ABHD12: variants seen among roughly 807,000 people sequenced by gnomAD.
ABHD12 encodes the protein lysophosphatidylserine lipase ABHD12.
Under a neutral mutation model 58.3 loss-of-function variants are expected in ABHD12, and 43 were observed. The observed-to-expected ratio is 0.74, with a 90% CI of 0.58 to 0.95. The LOEUF is 0.95. Ranked by LOEUF, ABHD12 falls within the 40% of genes least tolerant of loss-of-function variation. ABHD12 has a pLI of 0.00. For synonymous variants in ABHD12, 219 were observed against 211.2 expected (o/e 1.04, Z -0.32); for missense variants, 539 against 537.2 (o/e 1.00, Z -0.03).
chr20:25,376,578 G>A (rs1321507610), intron 1 of ABHD12, among the ~76,000 whole-genome samples: 5 of 152,144 alleles, frequency 3.3e-5, no homozygotes, highest in Non-Finnish European at 5.9e-5. Context: ...CATGTTTTCA[G>A]GTGCTTTACA....
chr20:25,383,104 A>G (rs1054387410), intron 1 of ABHD12, among the ~76,000 whole-genome samples: 1 of 152,174 alleles, frequency 6.6e-6, no homozygotes, highest in Non-Finnish European at 1.5e-5. Context: ...CCTAATCTGT[A>G]AAGAAAAGAT....
At chr20:25,316,945 C>T in intron 5 of ABHD12, 103 bp downstream of exon 5, 1 of 1,077,644 alleles carries the variant, frequency 9.3e-7, no homozygotes, top group Non-Finnish European at 1.4e-6. Context: ...CACAAACAGC[C>T]CAGCAATAGT....
chr20:25,338,990 A>G, intron 2 of ABHD12: 1 of 1,284,724 alleles, frequency 7.8e-7, no homozygotes. Context: ...TCCAGCTGGG[A>G]AGGGGCACAG....
intron 5 of ABHD12, among the ~76,000 whole-genome samples, chr20:25,316,508 C>T (rs1436722943): frequency 6.6e-6 from 1 of 152,212 alleles, no homozygotes; most frequent in African/African-American, 2.4e-5. Flanking sequence ...AAACAATTTC[C>T]AGTGCTGCTT....
chr20:25,338,761 G>T lies in ABHD12; in HGVS notation c.316+466C>A, dbSNP rs1010463581. 7.9e-5 allele frequency: 78 copies of T among 991,406 alleles called. No individual in the cohort carries two copies. The African/African-American group carries it at 9.6e-4, about 12-fold the overall frequency. The allele number at this position is 991,406 out of a possible 1,614,324, so 61.4% of individuals were successfully genotyped here. A position where few individuals can be genotyped will look rare whatever the true frequency, so the allele number is the denominator to read the frequency against. ...AAAAAGGCCTCATTTTTTTTTAAAG[G>T]TACTATATTTTTCAGTGGTCATCTT... On this transcript the variant is annotated intron_variant, in intron 2 of 12. Coordinates refer to ENST00000339157, the MANE Select transcript of ABHD12 (RefSeq NM_001042472.3).
intron 1 of ABHD12, among the ~76,000 whole-genome samples, chr20:25,388,593 C>T (rs1368812653): frequency 6.6e-6 from 1 of 152,124 alleles, no homozygotes; most frequent in African/African-American, 2.4e-5. Flanking sequence ...ATTTGGTCTT[C>T]TTTCCCTTTG....
intron 1 of ABHD12, among the ~76,000 whole-genome samples, chr20:25,362,507 A>G (rs1362210666): frequency 7.1e-6 from 1 of 141,792 alleles, no homozygotes; most frequent in African/African-American, 2.6e-5. Flanking sequence ...TGGAGGTTGC[A>G]GTGAGCTGAG....
chr20:25,376,829 A>G (rs754494945), intron 1 of ABHD12, among the ~76,000 whole-genome samples: 7 of 152,240 alleles, frequency 4.6e-5, no homozygotes, highest in Non-Finnish European at 1.0e-4. Flanking sequence ...ACACAGGAGC[A>G]ATACTCTCAA....
At chr20:25,387,353 G>A (rs1019524154) in intron 1 of ABHD12, among the ~76,000 whole-genome samples, 1 of 151,828 alleles carries the variant, frequency 6.6e-6, no homozygotes, top group Admixed American at 6.6e-5. Flanking sequence ...TTGAAGTCAC[G>A]AGTTGGAGAC....
chr20:25,322,381 A>ATATATATATATATATATTTTTTTTTTTT, intron 3 of ABHD12, among the ~76,000 whole-genome samples: 1 of 59,268 alleles, frequency 1.7e-5, no homozygotes, highest in Non-Finnish European at 3.2e-5. Context: ...ATATATATAT[A>ATATATATATATATATATTTTTTTTTTTT]TTTTTTTTTT....
chr20:25,314,902 T>G, intron 6 of ABHD12, 23 bp downstream of exon 6: 1 of 1,613,954 alleles, frequency 6.2e-7, no homozygotes, highest in Non-Finnish European at 8.5e-7. Context: ...TGTGCTCAGA[T>G]GCTCTTGCAA....
At chr20:25,380,373 T>C (rs554039525) in intron 1 of ABHD12, among the ~76,000 whole-genome samples, 3 of 152,276 alleles carry the variant, frequency 2.0e-5, no homozygotes, top group African/African-American at 7.2e-5. Flanking sequence ...TAATTATCAA[T>C]ATAGTGGGCT....
chr20:25,303,507 G>A lies in ABHD12; in HGVS notation c.1029+43C>T, dbSNP rs1219412582. ...CCTGGTCCACCCACACTGGCTGAGT[G>A]TGCAAGATGCCAGCTACACCAGAGG... On this transcript the variant is annotated intron_variant, in intron 11 of 12. Coordinates refer to ENST00000339157, the MANE Select transcript of ABHD12 (RefSeq NM_001042472.3). The A allele has an allele frequency of 2.5e-6, 4 of 1,608,274 alleles. No individual in the cohort carries two copies. In the African/African-American group the frequency reaches 4.0e-5, roughly 16 times the overall value.
chr20:25,311,717 A>G (rs953822372), intron 6 of ABHD12, among the ~76,000 whole-genome samples: 3 of 151,996 alleles, frequency 2.0e-5, no homozygotes, highest in African/African-American at 7.2e-5. Flanking sequence ...ACTTTTTGAA[A>G]TTTTTGAGAC....
intron 10 of ABHD12, 150 bp downstream of exon 10, chr20:25,306,683 G>T: frequency 1.6e-6 from 1 of 619,756 alleles, no homozygotes; most frequent in African/African-American, 1.8e-5. Flanking sequence ...TCCCTAGCAG[G>T]CTTTCCCTTT....
chr20:25,294,904 C>T, exon 13 of ABHD12: 1 of 1,556,952 alleles, frequency 6.4e-7, no homozygotes, highest in Non-Finnish European at 8.8e-7. Flanking sequence ...CCTCCACTTT[C>T]AGCTGCCTTT....
intron 10 of ABHD12, 134 bp downstream of exon 10, chr20:25,306,699 G>T: frequency 1.5e-6 from 1 of 669,910 alleles, no homozygotes. Context: ...CCTTTTTAAA[G>T]ACCTGTTTGC....
chr20:25,295,735 A>C (rs998592761), downstream of ABHD12: 5 of 1,498,066 alleles, frequency 3.3e-6, no homozygotes, highest in Non-Finnish European at 3.7e-6. Context: ...GTGTTGGGTC[A>C]GATTGTTTAT....
intron 2 of ABHD12, among the ~76,000 whole-genome samples, chr20:25,336,441 A>C (rs1008072837): frequency 7.2e-5 from 11 of 152,168 alleles, no homozygotes; most frequent in African/African-American, 2.7e-4. Context: ...TAATTTATAA[A>C]TTTGGTTTCA....
Sources: allele counts gnomAD v4.1 joint callset (sites outside exome capture counted in the v4.1 genomes callset), GRCh38; gene constraint gnomAD v4.1.1; transcripts MANE v1.5; gene names NCBI Gene and HGNC (gene_info 2026-07-23, HGNC 2026-07-21).